COL7A1: variants seen among roughly 807,000 people sequenced by gnomAD.
COL7A1 encodes the protein collagen type VII alpha 1 chain.
COL7A1 carries 296 observed loss-of-function variants against 456.2 expected under a neutral mutation model. The ratio of observed to expected loss-of-function variants is 0.65; its 90% CI spans 0.59 to 0.71. The LOEUF (loss-of-function observed/expected upper bound fraction) is 0.71, where lower values mean the gene tolerates loss of function less well. COL7A1 is among the 30% of genes least tolerant of loss of function. The pLI, the probability that COL7A1 is intolerant of heterozygous loss-of-function variation, is 0.00. For missense variants in COL7A1, 3,441 were observed against 4,017.2 expected (o/e 0.86, Z 3.88); for synonymous variants, 1,464 against 1,525.9 (o/e 0.96, Z 0.95).
chr3:48,576,221 T>G (rs775360443), intron 71 of COL7A1, 28 bp downstream of exon 71: 2 of 1,612,442 alleles, frequency 1.2e-6, no homozygotes, highest in Non-Finnish European at 1.7e-6. Flanking sequence ...CAAAACAGAG[T>G]CAAGGGGACA....
chr3:48,595,018 G>T, intron 2 of COL7A1, 57 bp downstream of exon 2: 1 of 1,391,762 alleles, frequency 7.2e-7, no homozygotes, highest in Non-Finnish European at 9.9e-7. Context: ...AGGCCGAGTG[G>T]AGCGGAGGGT....
rs886041417 is a variant in COL7A1, at chr3:48,575,444, GC to G, written c.6074del (p.Gly2025AlafsTer181). On this transcript the variant is annotated frameshift_variant, in exon 74 of 119. Coordinates refer to ENST00000681320, the MANE Select transcript of COL7A1 (RefSeq NM_000094.4). LOFTEE classifies it high-confidence loss of function. The surrounding 1 kb of genome is among the most constrained non-coding windows in gnomAD (Gnocchi z 6.3). ...CGGCAAGGCCGGAAGGCCCGGGGGG[GC>G]CCCTCTCCCCAAGGGCCAGACCAGG... is the stretch of plus-strand genomic sequence containing the variant. ...GPPGLALGER[G>X]PPGPSGLAGE... 6.2e-7 allele frequency: 1 copy of G among 1,610,170 alleles called. No homozygotes were observed.
intron 44 of COL7A1, 71 bp downstream of exon 44, chr3:48,582,942 G>T: frequency 6.2e-7 from 1 of 1,609,868 alleles, no homozygotes; most frequent in South Asian, 1.1e-5. Context: ...CAGGGGTCAA[G>T]GGCAAGAAGT....
chr3:48,571,882 G>T lies in COL7A1; in HGVS notation c.7068+119C>A. On this transcript the variant is annotated intron_variant, in intron 92 of 118. Transcript: ENST00000681320. This position sits in a 1 kb window ranked among gnomAD's most constrained non-coding sequence, Gnocchi z 4.6. ...TGATCCAGAGAGCAGGCTCCTGGATGTTGGGACATGCAGCCCGACTCAGGG... is the reference window on the plus strand; with the variant it reads ...TGATCCAGAGAGCAGGCTCCTGGATTTTGGGACATGCAGCCCGACTCAGGG... 1 of 1,240,534 alleles carries T rather than the reference G, an allele frequency of 8.1e-7. No homozygotes were observed. The highest frequency in any genetic ancestry group is 1.2e-6 in the Non-Finnish European group (1 of 868,100). 76.8% of individuals were successfully genotyped at this position (1,240,534 alleles called of 1,614,324 possible). A position where few individuals can be genotyped will look rare whatever the true frequency, so the allele number is the denominator to read the frequency against.
intron 18 of COL7A1, 47 bp from the exon 19 acceptor site, chr3:48,589,042 C>T (rs1253602481): frequency 6.2e-7 from 1 of 1,612,326 alleles, no homozygotes; most frequent in African/African-American, 1.3e-5. Context: ...AACAGAGAGG[C>T]AGTGCAGGAA....
chr3:48,579,816 T>A lies in COL7A1; in HGVS notation c.5125-2A>T, dbSNP rs2044605646. On this transcript the variant is annotated splice_acceptor_variant, in intron 57 of 118. Transcript: ENST00000681320. LOFTEE classifies it high-confidence loss of function. The surrounding 1 kb of genome is among the most constrained non-coding windows in gnomAD (Gnocchi z 4.4). ...TCTGGCTCCAGGTCCTGTGTCTACC[T>A]GTGGGGGGAATGACCAGTGAGAAGA... 1 of 1,613,908 alleles carries A rather than the reference T, an allele frequency of 6.2e-7. No homozygotes were observed. The highest frequency in any genetic ancestry group is 1.3e-5 in the African/African-American group (1 of 74,932).
At position 48,590,870 on chromosome 3, in the gene COL7A1, G is replaced by C; in HGVS notation, c.1637-54C>G. ...GGGGTCAGAAAGAGACAGGGATGTGGGACGATGGCAGTGATGGACAGGGAC... is the reference window on the plus strand; with the variant it reads ...GGGGTCAGAAAGAGACAGGGATGTGCGACGATGGCAGTGATGGACAGGGAC... On this transcript the variant is annotated intron_variant, in intron 13 of 118. Transcript: ENST00000681320. The surrounding 1 kb of genome is among the most constrained non-coding windows in gnomAD (Gnocchi z 4.6). 6.3e-7 allele frequency: 1 copy of C among 1,597,020 alleles called. No individual in the cohort carries two copies. Among genetic ancestry groups the C allele is most frequent in the Non-Finnish European group, 8.5e-7 (1 of 1,172,284 alleles).
In COL7A1 at chr3:48,585,779, C is replaced by T. The variant is rs760252639; in HGVS notation, c.3787-45G>A. 3 of 1,614,056 alleles carry T rather than the reference C, an allele frequency of 1.9e-6. No individual in the cohort carries two copies. The South Asian group carries it at 3.3e-5, about 18-fold the overall frequency. ...AGACCTGTGCTGCCAACCTCTCCTG[C>T]CCCACTGACACTCAACCCATTCTCT... On this transcript the variant is annotated intron_variant, in intron 30 of 118. Coordinates refer to ENST00000681320, the MANE Select transcript of COL7A1 (RefSeq NM_000094.4). This position sits in a 1 kb window ranked among gnomAD's most constrained non-coding sequence, Gnocchi z 4.5.
In COL7A1 at chr3:48,584,377, T is replaced by C. The variant is rs756371301; in HGVS notation, c.4120-2A>G. ...TGGTCCACGAGGTCCAGGGGGGCCC[T>C]GATGGAGGAGACAAAGTATAAGGTG... is the stretch of plus-strand genomic sequence containing the variant. On this transcript the variant is annotated splice_acceptor_variant, in intron 36 of 118. Coordinates refer to ENST00000681320, the MANE Select transcript of COL7A1 (RefSeq NM_000094.4). LOFTEE classifies it high-confidence loss of function. 4 of 1,613,708 alleles carry C rather than the reference T, an allele frequency of 2.5e-6. No homozygotes were observed. Among genetic ancestry groups the C allele is most frequent in the Non-Finnish European group, 3.4e-6 (4 of 1,179,814 alleles).
In COL7A1 at chr3:48,586,861, A is replaced by G; in HGVS notation, c.3276+111T>C. The G allele has an allele frequency of 6.5e-7, 1 of 1,529,160 alleles. No homozygotes were observed. Among genetic ancestry groups the G allele is most frequent in the Non-Finnish European group, 8.9e-7 (1 of 1,129,398 alleles). 94.7% of individuals were successfully genotyped at this position (1,529,160 alleles called of 1,614,324 possible). Reference sequence around the variant, plus strand: ...GTAGGTGAGGTCTGGAGCCTGTGAGAGAGCTGGGAGAATGCCTGAACCTAT... The same window carrying G: ...GTAGGTGAGGTCTGGAGCCTGTGAGGGAGCTGGGAGAATGCCTGAACCTAT... On this transcript the variant is annotated intron_variant, in intron 25 of 118. Coordinates refer to ENST00000681320, the MANE Select transcript of COL7A1 (RefSeq NM_000094.4). The surrounding 1 kb of genome is among the most constrained non-coding windows in gnomAD (Gnocchi z 5.1).
chr3:48,567,516 T>C lies in COL7A1; in HGVS notation c.8046+58A>G. 1.3e-6 allele frequency: 2 copies of C among 1,590,826 alleles called. No homozygotes were observed. The highest frequency in any genetic ancestry group is 8.6e-7 in the Non-Finnish European group (1 of 1,159,390). On this transcript the variant is annotated intron_variant, in intron 109 of 118. Coordinates refer to ENST00000681320, the MANE Select transcript of COL7A1 (RefSeq NM_000094.4). The surrounding 1 kb of genome is among the most constrained non-coding windows in gnomAD (Gnocchi z 4.3). ...TCCCTACACCCCCATGACCCGACCA[T>C]GAGCTTCCCTGCCCCATCCTGACTC...
Position 48,593,274 on chromosome 3 carries a change from G to A in COL7A1, c.521-11C>T, listed in dbSNP as rs757869415. 16 of 1,613,920 alleles carry A rather than the reference G, an allele frequency of 9.9e-6. No individual in the cohort carries two copies. The highest frequency in any genetic ancestry group is 8.0e-5 in the African/African-American group (6 of 74,886). On this transcript the variant is annotated splice_polypyrimidine_tract_variant and intron_variant, in intron 5 of 118. Coordinates refer to ENST00000681320, the MANE Select transcript of COL7A1 (RefSeq NM_000094.4). The surrounding 1 kb of genome is among the most constrained non-coding windows in gnomAD (Gnocchi z 4.4). ...CAGCATTCTTGATCCCTGAAGTGAC[G>A]ACCCATCAGGACTCAGTCACCCACA...
chr3:48,569,582 G>C lies in COL7A1; in HGVS notation c.7614+10C>G. ...CAGGGGAGACCCAGTCCACACGTGG[G>C]CCCACTCACCATGTCCCCCTTGGCA... On this transcript the variant is annotated intron_variant, in intron 102 of 118. Coordinates refer to ENST00000681320, the MANE Select transcript of COL7A1 (RefSeq NM_000094.4). The surrounding 1 kb of genome is among the most constrained non-coding windows in gnomAD (Gnocchi z 4.9). The C allele has an allele frequency of 3.1e-6, 5 of 1,613,670 alleles. No individual in the cohort carries two copies. The highest frequency in any genetic ancestry group is 4.2e-6 in the Non-Finnish European group (5 of 1,179,800).
At position 48,581,574 on chromosome 3, in the gene COL7A1, C is replaced by T. The variant is rs149869536; in HGVS notation, c.4781G>A (p.Arg1594Gln). Residue 1594 changes from arginine to glutamine, a missense_variant and splice_region_variant, in exon 50 of 119, where the codon CGG (arginine) becomes CAG (glutamine). Arg to Gln is a conservative substitution (Grantham distance 43). Coordinates refer to ENST00000681320, the MANE Select transcript of COL7A1 (RefSeq NM_000094.4). The surrounding 1 kb of genome is among the most constrained non-coding windows in gnomAD (Gnocchi z 5.8). ...CTCCCCATTCCCACATTGATTCACC[C>T]GGTCTCCAGGGTCTCCCTTGGGGCC... Reference protein sequence around the residue: ...DPGPKGDPGDRGPIGLTGRAG... With the variant: ...DPGPKGDPGDQGPIGLTGRAG... 19 of 1,614,074 alleles carry T rather than the reference C, an allele frequency of 1.2e-5. No individual in the cohort carries two copies. The highest frequency in any genetic ancestry group is 1.6e-4 in the Middle Eastern group (1 of 6,062).
At position 48,591,487 on chromosome 3, in the gene COL7A1, C is replaced by T. The variant is rs138791004; in HGVS notation, c.1613G>A (p.Arg538His). 3,864 of 1,613,928 alleles carry T rather than the reference C, an allele frequency of 2.4e-3. 7 individuals are homozygous for T. The highest frequency in any genetic ancestry group is 3.0e-3 in the Non-Finnish European group (3,582 of 1,179,964). ...WSPVPGATQY[R>H]IIVRSTQGVE... is the part of the protein sequence containing the mutation. The stretch of plus-strand genomic sequence containing the variant: ...ACCCTGGGTGCTGCGCACAATGATG[C>T]GGTACTGGGTGGCACCAGGGACTGG... The change falls in exon 13 of 119, where the codon CGC becomes CAC. Residue 538 changes from arginine (R) to histidine (H), a missense_variant. Coordinates refer to ENST00000681320, the MANE Select transcript of COL7A1 (RefSeq NM_000094.4). This position sits in a 1 kb window ranked among gnomAD's most constrained non-coding sequence, Gnocchi z 7.0.
chr3:48,583,797 A>G lies in COL7A1; in HGVS notation c.4279-17T>C, dbSNP rs1362114046. ...GGGAAGACCCTAGGAAGAAGTGAGT[A>G]AAAATATGAGCCAAGAACTATGAAG... is the stretch of plus-strand genomic sequence containing the variant. On this transcript the variant is annotated splice_polypyrimidine_tract_variant and intron_variant, in intron 39 of 118. Coordinates refer to ENST00000681320, the MANE Select transcript of COL7A1 (RefSeq NM_000094.4). This position sits in a 1 kb window ranked among gnomAD's most constrained non-coding sequence, Gnocchi z 5.1. 1.2e-6 allele frequency: 2 copies of G among 1,613,756 alleles called. No homozygotes were observed. The highest frequency in any genetic ancestry group is 3.3e-5 in the Admixed American group (2 of 60,018).
At position 48,569,542 on chromosome 3, in the gene COL7A1, G is replaced by A; in HGVS notation, c.7614+50C>T. Reference sequence around the variant, plus strand: ...CAGATGCCCTGGGCCAGCCCCACGGGGTCCCTCTCGCACCCAGGGGAGACC... The same window carrying A: ...CAGATGCCCTGGGCCAGCCCCACGGAGTCCCTCTCGCACCCAGGGGAGACC... On this transcript the variant is annotated intron_variant, in intron 102 of 118. Transcript: ENST00000681320. The surrounding 1 kb of genome is among the most constrained non-coding windows in gnomAD (Gnocchi z 4.9). 1 of 1,613,062 alleles carries A rather than the reference G, an allele frequency of 6.2e-7. No individual in the cohort carries two copies. Among genetic ancestry groups the A allele is most frequent in the Non-Finnish European group, 8.5e-7 (1 of 1,179,264 alleles).
rs747583483 is a variant in COL7A1, at chr3:48,569,890, C to T, written c.7511G>A (p.Arg2504His). 4.5e-5 allele frequency: 72 copies of T among 1,614,014 alleles called. No homozygotes were observed. The highest frequency in any genetic ancestry group is 5.9e-5 in the Non-Finnish European group (70 of 1,180,008). The change falls in exon 100 of 119, where the codon CGT becomes CAT. Residue 2504 changes from arginine (R) to histidine (H), a missense_variant. Around this residue, in one of 3 missense-constraint regions of COL7A1, gnomAD observed 2,084 missense variants for 2,501.3 expected, o/e 0.83. Coordinates refer to ENST00000681320, the MANE Select transcript of COL7A1 (RefSeq NM_000094.4). The surrounding 1 kb of genome is among the most constrained non-coding windows in gnomAD (Gnocchi z 4.9). ...LTGPPGSRGE[R>H]GEKGDVGSAG... ...TCCCCACGTTCCTACCTTCTCCCCA[C>T]GCTCTCCCCTGCTGCCAGGGGGCCC... is the stretch of plus-strand genomic sequence containing the variant.
intron 69 of COL7A1, 38 bp from the exon 70 acceptor site, chr3:48,576,473 A>C: frequency 6.2e-7 from 1 of 1,612,840 alleles, no homozygotes; most frequent in Non-Finnish European, 8.5e-7. Flanking sequence ...AATGGCCCCC[A>C]GCCTGGTCAG....
Sources: allele counts gnomAD v4.1 joint callset, GRCh38; gene constraint gnomAD v4.1.1; regional missense constraint gnomAD v4.1.1; non-coding constraint Gnocchi (gnomAD v3.1); transcripts MANE v1.5; gene names NCBI Gene and HGNC (gene_info 2026-07-23, HGNC 2026-07-21).